AKAP12: variants seen among roughly 807,000 people sequenced by gnomAD.
The protein encoded by AKAP12 is A-kinase anchoring protein 12, also known as A-kinase anchor protein 12.
In AKAP12, 32 loss-of-function variants were observed where a neutral mutation model predicts 79.9. That is an observed-to-expected ratio of 0.40 (90% CI 0.30 to 0.54). The LOEUF (loss-of-function observed/expected upper bound fraction) is 0.54, where lower values mean the gene tolerates loss of function less well. AKAP12 is among the 20% of genes least tolerant of loss of function. The probability of loss-of-function intolerance (pLI) is 0.48; values close to 1 mark genes in which losing one functional copy is unlikely to be tolerated. For synonymous variants in AKAP12, 808 were observed against 857.0 expected, an observed-to-expected ratio of 0.94 and a Z score of 1.00; for missense variants, 2,074 against 2,177.0, an observed-to-expected ratio of 0.95 and a Z score of 0.94.
chr6:151,257,845 G>A (rs1797331677), intron 2 of AKAP12, among the ~76,000 whole-genome samples: 2 of 152,132 alleles, frequency 1.3e-5, no homozygotes, highest in Admixed American at 1.3e-4. Flanking sequence ...TGATACTTTG[G>A]GGATTGGGTG....
intron 3 of AKAP12, among the ~76,000 whole-genome samples, chr6:151,334,825 G>A (rs1350273014): frequency 2.0e-5 from 3 of 151,842 alleles, no homozygotes; most frequent in African/African-American, 7.2e-5. Flanking sequence ...GGGTTTCTCC[G>A]TGGTAGCCAG....
Position 151,351,347 on chromosome 6 carries a change from G to A in AKAP12, c.2956G>A (p.Gly986Ser), listed in dbSNP as rs1374478057. ...AGCTGCAGAAACTGCAGGGCCATTGGGTGCCGAAGAAGGAACCGAAGCATC... is the reference window on the plus strand; with the variant it reads ...AGCTGCAGAAACTGCAGGGCCATTGAGTGCCGAAGAAGGAACCGAAGCATC... ...VTAAETAGPL[G>S]AEEGTEASAA... Residue 986 changes from glycine to serine, a missense_variant, in exon 4 of 5, where the codon GGT becomes AGT. Coordinates refer to ENST00000402676, the MANE Select transcript of AKAP12 (RefSeq NM_005100.4). This position sits in a 1 kb window ranked among gnomAD's most constrained non-coding sequence, Gnocchi z 4.4. 6.2e-7 allele frequency: 1 copy of A among 1,614,204 alleles called. No homozygotes were observed. Among genetic ancestry groups the A allele is most frequent in the South Asian group, 1.1e-5 (1 of 91,078 alleles).
intron 3 of AKAP12, among the ~76,000 whole-genome samples, chr6:151,337,512 GAA>G (rs565900855): frequency 5.9e-5 from 6 of 101,800 alleles, no homozygotes; most frequent in Non-Finnish European, 9.4e-5. Flanking sequence ...TTTCCGTCTC[GAA>G]AAAAAAAAAA....
At chr6:151,258,998 A>G (rs1466546519) in intron 2 of AKAP12, among the ~76,000 whole-genome samples, 3 of 151,100 alleles carry the variant, frequency 2.0e-5, no homozygotes, top group Admixed American at 6.7e-5. Flanking sequence ...ATGTATCTAT[A>G]TATGTGTGTG....
intron 3 of AKAP12, among the ~76,000 whole-genome samples, chr6:151,323,525 C>T (rs574645315): frequency 2.6e-4 from 40 of 151,106 alleles, no homozygotes; most frequent in Non-Finnish European, 4.9e-4. Flanking sequence ...TGCACCCCAG[C>T]CTGGGTGACA....
Position 151,350,144 on chromosome 6 carries a change from G to C in AKAP12, c.1753G>C (p.Glu585Gln). 2 of 1,614,058 alleles carry C rather than the reference G, an allele frequency of 1.2e-6. No individual in the cohort carries two copies. The highest frequency in any genetic ancestry group is 1.7e-6 in the Non-Finnish European group (2 of 1,179,988). ...CACGTGTCTGGAAAAGGGCTTAGCC[G>C]AGGTGCAGCAGGATGGGGAAGCTGA... ...EITCLEKGLA[E>Q]VQQDGEAEEG... The change falls in exon 4 of 5, where the codon GAG becomes CAG. Residue 585 changes from glutamate (E) to glutamine (Q), a missense_variant. This residue lies in a region of AKAP12 where 1,428 missense variants were observed against 1,451.0 expected (regional missense o/e 0.98). Coordinates refer to ENST00000402676, the MANE Select transcript of AKAP12 (RefSeq NM_005100.4). The surrounding 1 kb of genome is among the most constrained non-coding windows in gnomAD (Gnocchi z 4.8).
At position 151,349,158 on chromosome 6, in the gene AKAP12, C is replaced by G. The variant is rs1337586496; in HGVS notation, c.767C>G (p.Ala256Gly). 4 of 1,613,786 alleles carry G rather than the reference C, an allele frequency of 2.5e-6. No individual in the cohort carries two copies. The stretch of plus-strand genomic sequence containing the variant: ...AGCCACGCAGAAATTTCTCCCCCAG[C>G]CGAATCTGGCCAAGCAGTGGAGGAA... ...EQSHAEISPP[A>G]ESGQAVEECK... The change falls in exon 4 of 5, where the codon GCC becomes GGC. Residue 256 changes from alanine (A) to glycine (G), a missense_variant. Physicochemically the swap from Ala to Gly is moderately conservative, Grantham distance 60. Around this residue, in one of 3 missense-constraint regions of AKAP12, gnomAD observed 1,428 missense variants for 1,451.0 expected, o/e 0.98. Coordinates refer to ENST00000402676, the MANE Select transcript of AKAP12 (RefSeq NM_005100.4).
chr6:151,300,911 G>A (rs1776851557), intron 2 of AKAP12, among the ~76,000 whole-genome samples: 2 of 152,158 alleles, frequency 1.3e-5, no homozygotes, highest in Non-Finnish European at 2.9e-5. Flanking sequence ...CCATGTTTAA[G>A]TGTAAGGAGC....
At chr6:151,337,512 G>GAAAAAAAAAAAAAA (rs565900855) in intron 3 of AKAP12, among the ~76,000 whole-genome samples, 1 of 101,856 alleles carries the variant, frequency 9.8e-6, no homozygotes, top group Admixed American at 1.0e-4. Flanking sequence ...TTTCCGTCTC[G>GAAAAAAAAAAAAAA]AAAAAAAAAA....
chr6:151,320,306 G>GA (rs1777344827), intron 3 of AKAP12, among the ~76,000 whole-genome samples: 1 of 151,838 alleles, frequency 6.6e-6, no homozygotes. Flanking sequence ...TTTTTATAGA[G>GA]ATGGGATCTT....
intron 3 of AKAP12, among the ~76,000 whole-genome samples, chr6:151,341,335 T>C (rs1415005146): frequency 6.6e-6 from 1 of 152,214 alleles, no homozygotes; most frequent in African/African-American, 2.4e-5. Context: ...ATTACAGGCG[T>C]GAGCCACCGC....
intron 2 of AKAP12, among the ~76,000 whole-genome samples, chr6:151,277,850 T>G (rs1358493502): frequency 6.6e-6 from 1 of 152,170 alleles, no homozygotes; most frequent in Non-Finnish European, 1.5e-5. Context: ...GTGCTGATGT[T>G]TTTCCTAATG....
intron 3 of AKAP12, chr6:151,324,084 A>AAG: frequency 1.0e-6 from 1 of 985,376 alleles, no homozygotes; most frequent in Non-Finnish European, 1.2e-6. Context: ...TGGACTCCAG[A>AAG]AGGATGGTCA....
intron 2 of AKAP12, among the ~76,000 whole-genome samples, chr6:151,271,334 T>A (rs925494608): frequency 8.2e-4 from 124 of 151,936 alleles, no homozygotes; most frequent in Middle Eastern, 6.8e-3. Context: ...ACTTTTTTTT[T>A]TTTTTTTGAG....
At chr6:151,272,808 A>G (rs1776216760) in intron 2 of AKAP12, among the ~76,000 whole-genome samples, 1 of 152,252 alleles carries the variant, frequency 6.6e-6, no homozygotes, top group African/African-American at 2.4e-5. Flanking sequence ...CTGGGATTAC[A>G]GGTGTAAGGC....
intron 2 of AKAP12, among the ~76,000 whole-genome samples, chr6:151,302,090 A>G (rs1776874421): frequency 6.6e-6 from 1 of 150,714 alleles, no homozygotes; most frequent in Non-Finnish European, 1.5e-5. Context: ...AGCTCGCTGC[A>G]ACCTCCGCCT....
At chr6:151,241,730 T>C (rs1437135293) in intron 2 of AKAP12, among the ~76,000 whole-genome samples, 1 of 151,608 alleles carries the variant, frequency 6.6e-6, no homozygotes, top group Non-Finnish European at 1.5e-5. Context: ...TGTAGAAAGA[T>C]GTGGATAACC....
At chr6:151,335,302 G>A (rs1009007977) in intron 3 of AKAP12, among the ~76,000 whole-genome samples, 4 of 152,032 alleles carry the variant, frequency 2.6e-5, no homozygotes, top group African/African-American at 4.8e-5. Context: ...AAAATAAGTC[G>A]TTCTATTCTG....
In AKAP12 at chr6:151,351,096, C is replaced by A. The variant is rs1433765101; in HGVS notation, c.2705C>A (p.Ala902Glu). Residue 902 changes from alanine (A) to glutamate (E), a missense_variant, in exon 4 of 5, where the codon GCA becomes GAA. By Grantham distance (107) the Ala-to-Glu change is moderately radical. Around this residue, in one of 3 missense-constraint regions of AKAP12, gnomAD observed 1,428 missense variants for 1,451.0 expected, o/e 0.98. Transcript: ENST00000402676. This position sits in a 1 kb window ranked among gnomAD's most constrained non-coding sequence, Gnocchi z 4.4. ...GCAGCTGTCGCTGACGGGACGAGGG[C>A]AGCTACCATTATTGAAGAAAGGTCT... ...MAAAVADGTR[A>E]ATIIEERSPS... The A allele has an allele frequency of 6.2e-7, 1 of 1,614,184 alleles. No homozygotes were observed. The highest frequency in any genetic ancestry group is 1.7e-5 in the Admixed American group (1 of 60,020).
Sources: gnomAD v4.1 joint callset for allele counts (sites outside exome capture counted in the v4.1 genomes callset) on GRCh38, gnomAD v4.1.1 for gene constraint, gnomAD v4.1.1 regional missense constraint, Gnocchi (gnomAD v3.1) non-coding constraint, MANE v1.5 for transcripts, NCBI Gene and HGNC (gene_info 2026-07-23, HGNC 2026-07-21) for gene names.